Variants in FBXL13 observed in about 807,000 individuals in gnomAD.
FBXL13 encodes the protein F-box and leucine-rich repeat protein 13.
A neutral mutation model predicts 83.6 loss-of-function variants in FBXL13; 67 were observed. That is an observed-to-expected ratio of 0.80 (90% confidence interval 0.66 to 0.98). FBXL13 has a LOEUF of 0.98. FBXL13 is among the 50% of genes least tolerant of loss of function. The probability of loss-of-function intolerance (pLI) is 0.00; values close to 1 mark genes in which losing one functional copy is unlikely to be tolerated. For synonymous variants in FBXL13, 272 were observed against 299.5 expected, an observed-to-expected ratio of 0.91 and a Z score of 0.95; for missense variants, 822 against 866.5, an observed-to-expected ratio of 0.95 and a Z score of 0.64.
chr7:103,055,815 C>CT (rs1797277543), intron 1 of FBXL13, 68 bp from the exon 2 acceptor site: 1 of 629,076 alleles, frequency 1.6e-6, no homozygotes. Flanking sequence ...CAGCACGTAA[C>CT]TTTTTATTGT....
chr7:103,029,566 C>T (rs1253165055), intron 2 of FBXL13, 148 bp from the exon 4 acceptor site: 4 of 428,002 alleles, frequency 9.3e-6, no homozygotes, highest in Non-Finnish European at 1.7e-5. Flanking sequence ...GCTGAAAGAA[C>T]TATATACTAT....
rs1205243623 is a variant in FBXL13 at position 103,060,065 on chromosome 7, C to CT, written c.-104-4319dup. 1.9e-3 allele frequency among the ~76,000 whole-genome samples: 72 copies of CT among 38,668 alleles called. 1 individual carries two copies. Among genetic ancestry groups the CT allele is most frequent in the South Asian group, 3.5e-3 (4 of 1,158 alleles). The allele number at this position is 38,668 out of a possible 152,430, so 25.4% of individuals were successfully genotyped here. ...ATATATATATATATATATATATATA[C>CT]TTTTTTTTTTTTTTGAGACAAGGTC... On this transcript the variant is annotated intron_variant, in intron 1 of 19. Coordinates refer to ENST00000313221, the Ensembl canonical transcript of FBXL13.
chr7:102,919,623 T>C (rs1195102598), intron 10 of FBXL13, among the ~76,000 whole-genome samples: 1 of 152,198 alleles, frequency 6.6e-6, no homozygotes, highest in Non-Finnish European at 1.5e-5. Context: ...AAAATCATGC[T>C]AGCTTCAGAC....
intron 6 of FBXL13, among the ~76,000 whole-genome samples, chr7:102,999,387 G>T (rs1189986925): frequency 6.6e-6 from 1 of 152,012 alleles, no homozygotes; most frequent in South Asian, 2.1e-4. Flanking sequence ...TTTTCATGTT[G>T]TCCCCTTGTC....
intron 8 of FBXL13, among the ~76,000 whole-genome samples, chr7:102,961,399 G>A (rs1178817452): frequency 6.6e-6 from 1 of 150,794 alleles, no homozygotes; most frequent in Non-Finnish European, 1.5e-5. Flanking sequence ...TCGTGAAAAC[G>A]GCCATACTGC....
chr7:102,994,668 C>T (rs889689862), intron 6 of FBXL13, among the ~76,000 whole-genome samples: 2 of 152,182 alleles, frequency 1.3e-5, no homozygotes, highest in Non-Finnish European at 2.9e-5. Context: ...AAAATTCCCA[C>T]CCAGCTTTCC....
chr7:103,065,602 G>A (rs1388578343), intron 1 of FBXL13, among the ~76,000 whole-genome samples: 2 of 152,164 alleles, frequency 1.3e-5, no homozygotes, highest in African/African-American at 4.8e-5. Context: ...TTACTAACTA[G>A]TAAAAAGAGA....
At chr7:103,057,414 TG>T (rs5886241) in intron 1 of FBXL13, among the ~76,000 whole-genome samples, 1,669 of 150,954 alleles carry the variant, frequency 0.011, 36 homozygotes, top group African/African-American at 0.039. Context: ...TCATTGGGGT[TG>T]GGGGGGGTTG....
intron 6 of FBXL13, among the ~76,000 whole-genome samples, chr7:103,008,161 T>C (rs995586022): frequency 2.0e-5 from 3 of 152,150 alleles, no homozygotes; most frequent in Non-Finnish European, 2.9e-5. Flanking sequence ...ATGCAGATAT[T>C]ATACATAAAA....
chr7:102,956,416 C>T lies in FBXL13; in HGVS notation c.724+7117G>A, dbSNP rs191508073. On this transcript the variant is annotated intron_variant, in intron 8 of 19. Coordinates refer to ENST00000313221, the Ensembl canonical transcript of FBXL13. Reference sequence around the variant, plus strand: ...ATAAGAGCTATTTATGACAAACCCACAGCCAATATCATACTGAATGGGCAA... The same window carrying T: ...ATAAGAGCTATTTATGACAAACCCATAGCCAATATCATACTGAATGGGCAA... Among the ~76,000 whole-genome samples, 38 of 152,292 alleles carry T rather than the reference C, an allele frequency of 2.5e-4. No homozygotes were observed. The East Asian group carries it at 5.6e-3, about 22-fold the overall frequency.
intron 2 of FBXL13, among the ~76,000 whole-genome samples, chr7:103,032,784 C>T (rs558683336): frequency 6.6e-6 from 1 of 152,274 alleles, no homozygotes; most frequent in Non-Finnish European, 1.5e-5. Flanking sequence ...AATCCCAAAA[C>T]GTTGGATGGC....
At chr7:102,939,290 C>T (rs1820929150) in intron 8 of FBXL13, 2 of 649,332 alleles carry the variant, frequency 3.1e-6, no homozygotes, top group Non-Finnish European at 5.1e-6. Context: ...AGGCTTGTTT[C>T]ATACTAACTT....
chr7:102,939,894 G>GT lies in FBXL13; in HGVS notation c.725-7962dup, dbSNP rs199710203. Among the ~76,000 whole-genome samples the GT allele has an allele frequency of 7.1e-4, 105 of 148,274 alleles. No homozygotes were observed. The East Asian group carries it at 9.2e-3, about 13-fold the overall frequency. ...GTCAATAGTATACTAAAATGTAGTG[G>GT]TTTTTTTTTTGTTTTTTGAGATGGA... is the stretch of plus-strand genomic sequence containing the variant. On this transcript the variant is annotated intron_variant, in intron 8 of 19. Transcript: ENST00000313221.
At chr7:103,047,770 C>T (rs1796419793) in intron 2 of FBXL13, among the ~76,000 whole-genome samples, 1 of 152,208 alleles carries the variant, frequency 6.6e-6, no homozygotes, top group Admixed American at 6.5e-5. Flanking sequence ...TCTTGCCTCA[C>T]TGCAACCTCC....
At chr7:102,963,919 C>T (rs771752796) in intron 7 of FBXL13, among the ~76,000 whole-genome samples, 5 of 151,928 alleles carry the variant, frequency 3.3e-5, no homozygotes, top group East Asian at 3.8e-4. Flanking sequence ...TAAAAATAGG[C>T]GAAGAACATG....
intron 8 of FBXL13, chr7:102,936,456 T>C (rs953829762): frequency 7.2e-5 from 11 of 152,188 alleles, no homozygotes; most frequent in Non-Finnish European, 1.2e-4. Context: ...ATGCAACCAT[T>C]AGAGAATTTC....
intron 4 of FBXL13, 110 bp downstream of exon 5, chr7:103,028,490 G>T: frequency 3.0e-6 from 2 of 661,814 alleles, no homozygotes; most frequent in Non-Finnish European, 4.6e-6. Context: ...CAATTGTCTA[G>T]ACATAAAAAT....
At chr7:103,039,385 A>G (rs550458689) in intron 2 of FBXL13, among the ~76,000 whole-genome samples, 1 of 152,356 alleles carries the variant, frequency 6.6e-6, no homozygotes, top group East Asian at 1.9e-4. Flanking sequence ...GAATGCAATC[A>G]AGTTAGAAAA....
intron 6 of FBXL13, chr7:102,978,649 A>C (rs555593439): frequency 1.3e-5 from 3 of 231,944 alleles, no homozygotes; most frequent in Admixed American, 4.9e-5. Context: ...GGTACTCATT[A>C]AAACAGCGTG....
Sources: allele counts gnomAD v4.1 joint callset (sites outside exome capture counted in the v4.1 genomes callset), GRCh38; gene constraint gnomAD v4.1.1; transcripts MANE v1.5; gene names NCBI Gene and HGNC (gene_info 2026-07-23, HGNC 2026-07-21).